The following CAMKMT variants were observed in gnomAD, a reference collection of about 807,000 sequenced individuals.
The protein encoded by CAMKMT is calmodulin-lysine N-methyltransferase, also known as CaM KMT.
CAMKMT carries 53 observed loss-of-function variants against 48.0 expected under a neutral mutation model. That is an observed-to-expected ratio of 1.10 (90% confidence interval 0.89 to 1.39). CAMKMT has a LOEUF of 1.39. CAMKMT is among the 40% of genes most tolerant of loss of function. The pLI is 0.00. For missense variants in CAMKMT, 428 were observed against 402.7 expected (o/e 1.06, Z -0.54); for synonymous variants, 165 against 152.3 (o/e 1.08, Z -0.61).
At chr2:44,581,646 C>G (rs188402139) in intron 3 of CAMKMT, among the ~76,000 whole-genome samples, 119 of 152,278 alleles carry the variant, frequency 7.8e-4, no homozygotes, top group African/African-American at 2.7e-3. Context: ...CTTTTATAGA[C>G]AAAATCATTT....
chr2:44,376,256 C>CA (rs1490103461), intron 2 of CAMKMT, among the ~76,000 whole-genome samples: 1 of 151,388 alleles, frequency 6.6e-6, no homozygotes, highest in Admixed American at 6.6e-5. Flanking sequence ...ACTAAAAATA[C>CA]AAAAAAAATT....
intron 3 of CAMKMT, among the ~76,000 whole-genome samples, chr2:44,580,243 AAAAATAAAAT>A (rs367927902): frequency 1.4e-5 from 2 of 139,946 alleles, no homozygotes; most frequent in Admixed American, 7.4e-5. Context: ...ATCAGGGCTC[AAAAATAAAAT>A]AAAATAAAAT....
chr2:44,703,770 C>CT (rs1301208060), intron 3 of CAMKMT, among the ~76,000 whole-genome samples: 3 of 92,968 alleles, frequency 3.2e-5, no homozygotes, highest in East Asian at 5.6e-4. Flanking sequence ...GAGCAAGACT[C>CT]TAAAAAAAAA....
intron 1 of CAMKMT, among the ~76,000 whole-genome samples, chr2:44,371,141 C>T (rs906797298): frequency 6.6e-6 from 1 of 152,176 alleles, no homozygotes; most frequent in Non-Finnish European, 1.5e-5. Flanking sequence ...CCCGCCACCA[C>T]ACCTGGCTAA....
chr2:44,632,518 C>G (rs1672893600), intron 3 of CAMKMT, among the ~76,000 whole-genome samples: 1 of 152,174 alleles, frequency 6.6e-6, no homozygotes, highest in Non-Finnish European at 1.5e-5. Context: ...TATAATTTCA[C>G]ATAGTCACTT....
chr2:44,505,547 G>T lies in CAMKMT; in HGVS notation c.376+115242G>T, dbSNP rs940268745. 3.7e-4 allele frequency among the ~76,000 whole-genome samples: 57 copies of T among 152,140 alleles called. 1 individual carries two copies. The highest frequency in any genetic ancestry group is 1.3e-3 in the African/African-American group (52 of 41,432). Reference sequence around the variant, plus strand: ...TTACATTAAGTCTGTGGTCCAGTTTGAGTTAATTTTTTGTATAAGGTGGGA... The same window carrying T: ...TTACATTAAGTCTGTGGTCCAGTTTTAGTTAATTTTTTGTATAAGGTGGGA... On this transcript the variant is annotated intron_variant, in intron 3 of 10. Coordinates refer to ENST00000378494, the MANE Select transcript of CAMKMT (RefSeq NM_024766.5).
At chr2:44,619,581 A>G (rs1672069281) in intron 3 of CAMKMT, among the ~76,000 whole-genome samples, 1 of 152,182 alleles carries the variant, frequency 6.6e-6, no homozygotes, top group Admixed American at 6.5e-5. Flanking sequence ...TCACTTGGCA[A>G]TTGCCGACCC....
intron 3 of CAMKMT, among the ~76,000 whole-genome samples, chr2:44,439,789 A>ATAAT (rs2104559365): frequency 1.3e-5 from 1 of 75,814 alleles, no homozygotes; most frequent in Non-Finnish European, 2.2e-5. Flanking sequence ...ATCTCATAAA[A>ATAAT]TAAATAAATA....
At chr2:44,445,001 G>A (rs1238651199) in intron 3 of CAMKMT, among the ~76,000 whole-genome samples, 1 of 152,114 alleles carries the variant, frequency 6.6e-6, no homozygotes, top group Non-Finnish European at 1.5e-5. Flanking sequence ...TGGATCTAAG[G>A]GATCTAGAGG....
intron 3 of CAMKMT, among the ~76,000 whole-genome samples, chr2:44,584,059 C>A (rs1375233100): frequency 6.6e-6 from 1 of 152,186 alleles, no homozygotes; most frequent in Non-Finnish European, 1.5e-5. Flanking sequence ...TACAACTCAT[C>A]ATTTTCCCCA....
intron 3 of CAMKMT, among the ~76,000 whole-genome samples, chr2:44,593,711 A>G (rs1670460605): frequency 6.6e-6 from 1 of 150,804 alleles, no homozygotes; most frequent in Non-Finnish European, 1.5e-5. Context: ...TGTTGCTCCA[A>G]CTTGAATAAA....
chr2:44,683,600 C>T (rs1401682824), intron 3 of CAMKMT, among the ~76,000 whole-genome samples: 2 of 152,084 alleles, frequency 1.3e-5, no homozygotes, highest in South Asian at 2.1e-4. Flanking sequence ...GCGGGCGGAT[C>T]GCAAGGTCAG....
chr2:44,393,903 T>C (rs1067343), intron 3 of CAMKMT, among the ~76,000 whole-genome samples: 109,289 of 152,136 alleles, frequency 0.72, 39,968 homozygotes, highest in South Asian at 0.79. Flanking sequence ...TCTCCAAAGT[T>C]ATTTCGTTCC....
At chr2:44,722,938 A>G (rs1678551041) in intron 7 of CAMKMT, among the ~76,000 whole-genome samples, 1 of 152,202 alleles carries the variant, frequency 6.6e-6, no homozygotes, top group African/African-American at 2.4e-5. Flanking sequence ...ACTGGTCCCC[A>G]GCATGAGGGG....
chr2:44,585,499 A>T (rs1188648345), intron 3 of CAMKMT, among the ~76,000 whole-genome samples: 1 of 152,204 alleles, frequency 6.6e-6, no homozygotes, highest in Non-Finnish European at 1.5e-5. Context: ...GCTTAGTGTC[A>T]ACCATGAATC....
At chr2:44,669,730 TG>T (rs1184104908) in intron 3 of CAMKMT, among the ~76,000 whole-genome samples, 6 of 152,212 alleles carry the variant, frequency 3.9e-5, no homozygotes, top group South Asian at 4.1e-4. Flanking sequence ...CTCAGCCTCC[TG>T]GGCTTAGGTG....
At chr2:44,376,964 C>G (rs550952575) in intron 2 of CAMKMT, among the ~76,000 whole-genome samples, 1 of 151,968 alleles carries the variant, frequency 6.6e-6, no homozygotes, top group Admixed American at 6.6e-5. Context: ...GGTATGACTC[C>G]TGGATTTTGT....
At chr2:44,761,319 T>C (rs148544556) in intron 9 of CAMKMT, among the ~76,000 whole-genome samples, 73 of 152,096 alleles carry the variant, frequency 4.8e-4, no homozygotes, top group African/African-American at 1.6e-3. Context: ...TGTGATGAGG[T>C]TGGCCTGACT....
At chr2:44,420,911 G>T (rs1410176556) in intron 3 of CAMKMT, among the ~76,000 whole-genome samples, 1 of 151,458 alleles carries the variant, frequency 6.6e-6, no homozygotes, top group African/African-American at 2.4e-5. Flanking sequence ...ATCACTTTCA[G>T]AGCTTTTCGC....
Sources: allele counts gnomAD v4.1 joint callset (sites outside exome capture counted in the v4.1 genomes callset), GRCh38; gene constraint gnomAD v4.1.1; transcripts MANE v1.5; gene names NCBI Gene and HGNC (gene_info 2026-07-23, HGNC 2026-07-21).